The following MTMR3 variants were observed in gnomAD, a reference collection of about 807,000 sequenced individuals.
MTMR3 encodes myotubularin related protein 3, also known as phosphatidylinositol-3,5-bisphosphate 3-phosphatase MTMR3.
Under a neutral mutation model 132.4 loss-of-function variants are expected in MTMR3, and 32 were observed. The ratio of observed to expected loss-of-function variants is 0.24; its 90% CI spans 0.18 to 0.32. The LOEUF (loss-of-function observed/expected upper bound fraction) is 0.32, where lower values mean the gene tolerates loss of function less well. Ranked by LOEUF, MTMR3 falls within the 10% of genes least tolerant of loss-of-function variation. MTMR3 has a pLI of 1.00. For synonymous variants in MTMR3, 556 were observed against 550.3 expected (o/e 1.01, Z -0.14); for missense variants, 1,216 against 1,489.6 (o/e 0.82, Z 3.02).
Position 30,020,389 on chromosome 22 carries a change from G to A in MTMR3, c.2730G>A (p.Leu910=), listed in dbSNP as rs748216192. 1 of 1,614,218 alleles carries A rather than the reference G, an allele frequency of 6.2e-7. No homozygotes were observed. The highest frequency in any genetic ancestry group is 8.5e-7 in the Non-Finnish European group (1 of 1,180,040). Residue 910 remains leucine, a synonymous_variant, in exon 17 of 20, where the codon CTG becomes CTA. Coordinates refer to ENST00000401950, the MANE Select transcript of MTMR3 (RefSeq NM_021090.4). ...CTTCCCTTGGCAGCACTCTCAGCCT[G>A]ACACGTTCCCCTTGTGCCTTGCCTT... The part of the protein sequence containing the change: ...HRTSLGSTLS[L]TRSPCALPLA...
intron 1 of MTMR3, among the ~76,000 whole-genome samples, chr22:29,902,012 T>C (rs752590398): frequency 1.3e-5 from 2 of 152,234 alleles, no homozygotes; most frequent in Admixed American, 6.5e-5. Context: ...CATAAAAGCA[T>C]TGATGCATGC....
chr22:29,924,692 C>T (rs1400828852), intron 1 of MTMR3, among the ~76,000 whole-genome samples: 2 of 152,152 alleles, frequency 1.3e-5, no homozygotes, highest in East Asian at 1.9e-4. Context: ...AATCCATGAA[C>T]ACATGATATT....
Position 29,998,953 on chromosome 22 carries a change from A to G in MTMR3, c.557+96A>G, listed in dbSNP as rs186756274. 291 of 708,830 alleles carry G rather than the reference A, an allele frequency of 4.1e-4. No individual in the cohort carries two copies. The African/African-American group carries it at 4.9e-3, about 12-fold the overall frequency. 43.9% of individuals were successfully genotyped at this position (708,830 alleles called of 1,614,324 possible). On this transcript the variant is annotated intron_variant, in intron 8 of 19. Coordinates refer to ENST00000401950, the MANE Select transcript of MTMR3 (RefSeq NM_021090.4). ...CAGAACATTTGAACTTAGACTTTTT[A>G]TTTGAAATGGTTTTATTTATTAAAT...
intron 2 of MTMR3, among the ~76,000 whole-genome samples, chr22:29,970,130 T>G (rs1485145728): frequency 6.6e-6 from 1 of 152,218 alleles, no homozygotes; most frequent in African/African-American, 2.4e-5. Flanking sequence ...TTTTTTGTTC[T>G]TATAAAACCA....
At position 30,026,933 on chromosome 22, in the gene MTMR3, CTGAG is replaced by C. The variant is rs1447300557; in HGVS notation, c.*1135_*1138del. 4.6e-5 allele frequency: 7 copies of C among 152,870 alleles called. No homozygotes were observed. Among genetic ancestry groups the C allele is most frequent in the Admixed American group, 1.3e-4 (2 of 15,290 alleles). 9.5% of individuals were successfully genotyped at this position (152,870 alleles called of 1,614,324 possible). On this transcript the variant is annotated 3_prime_UTR_variant, in exon 20 of 20. Coordinates refer to ENST00000401950, the MANE Select transcript of MTMR3 (RefSeq NM_021090.4). The stretch of plus-strand genomic sequence containing the variant: ...GTCCCCCTTTGCCACTCCTGGCTGT[CTGAG>C]TGGGCACTTGTCTGGCTGCTGGCCA...
At position 30,026,338 on chromosome 22, in the gene MTMR3, C is replaced by T. The variant is rs1455843171; in HGVS notation, c.*537C>T. ...TGCCCTGGGCATCATCTCCCTCCTG[C>T]GAGGAGCTGAGCCAGTCCCCTCACA... On this transcript the variant is annotated 3_prime_UTR_variant, in exon 20 of 20. Coordinates refer to ENST00000401950, the MANE Select transcript of MTMR3 (RefSeq NM_021090.4). 1 of 154,954 alleles carries T rather than the reference C, an allele frequency of 6.5e-6. No homozygotes were observed. Among genetic ancestry groups the T allele is most frequent in the African/African-American group, 2.4e-5 (1 of 41,492 alleles). The allele number at this position is 154,954 out of a possible 1,614,324, so 9.6% of individuals were successfully genotyped here.
rs1325336651 is a variant in MTMR3 at position 30,030,843 on chromosome 22, A to G, written c.*5042A>G. ...TGAAGAAAGGTTTTGTTTGTTTCTT[A>G]AAATAAAAAGTCTGAAAATCACTAA... is the stretch of plus-strand genomic sequence containing the variant. On this transcript the variant is annotated 3_prime_UTR_variant, in exon 20 of 20. Transcript: ENST00000401950. 6.6e-6 allele frequency: 1 copy of G among 152,306 alleles called. No individual in the cohort carries two copies. The highest frequency in any genetic ancestry group is 1.5e-5 in the Non-Finnish European group (1 of 68,022). 9.4% of individuals were successfully genotyped at this position (152,306 alleles called of 1,614,324 possible).
rs117558340 is a variant in MTMR3, at chr22:29,918,080, T to C, written c.-138+34721T>C. On this transcript the variant is annotated intron_variant, in intron 1 of 19. Transcript: ENST00000401950. ...TTTAAGTGTTTAATTTAGAAAAAAT[T>C]AGTAACTGCTGGTTGCCTCATATTG... Among the ~76,000 whole-genome samples the C allele has an allele frequency of 7.2e-5, 11 of 152,314 alleles. No homozygotes were observed. In the East Asian group the frequency reaches 1.9e-3, roughly 27 times the overall value.
chr22:29,914,383 G>A (rs920716013), intron 1 of MTMR3, among the ~76,000 whole-genome samples: 2 of 152,038 alleles, frequency 1.3e-5, no homozygotes, highest in South Asian at 4.1e-4. Flanking sequence ...GTGCTTATTT[G>A]CCATTTATAT....
intron 1 of MTMR3, among the ~76,000 whole-genome samples, chr22:29,911,407 G>A (rs996022805): frequency 3.9e-5 from 6 of 152,062 alleles, no homozygotes; most frequent in South Asian, 2.1e-4. Flanking sequence ...GCCAGGTGTG[G>A]TAGCACACGC....
intron 1 of MTMR3, among the ~76,000 whole-genome samples, chr22:29,935,700 C>T (rs1042973429): frequency 2.7e-5 from 4 of 150,124 alleles, no homozygotes; most frequent in East Asian, 1.9e-4. Context: ...ATATCTGATG[C>T]GGTTTACTGT....
chr22:29,948,772 A>G (rs1326715144), intron 1 of MTMR3, among the ~76,000 whole-genome samples: 1 of 148,916 alleles, frequency 6.7e-6, no homozygotes, highest in African/African-American at 2.5e-5. Context: ...TGTTTTTATC[A>G]TGAAATAATA....
intron 2 of MTMR3, among the ~76,000 whole-genome samples, chr22:29,966,722 T>TGTGC (rs200903760): frequency 7.1e-5 from 7 of 98,408 alleles, no homozygotes; most frequent in South Asian, 4.8e-4. Context: ...CCTGTAGGGG[T>TGTGC]GTGCGTGTGT....
At chr22:29,977,843 G>A (rs1007054090) in intron 3 of MTMR3, among the ~76,000 whole-genome samples, 3 of 152,028 alleles carry the variant, frequency 2.0e-5, no homozygotes, top group African/African-American at 7.3e-5. Flanking sequence ...TTATATCTTG[G>A]TTTCTCTTAA....
At position 29,986,564 on chromosome 22, in the gene MTMR3, GT is replaced by G. The variant is rs1311387811; in HGVS notation, c.211-1913del. ...AGAATTCTTAGTTGCATCAGTTGCA[GT>G]TTCTCACAGCACCTTGGGGTTAAGG... On this transcript the variant is annotated intron_variant, in intron 5 of 19. Transcript: ENST00000401950. The G allele has an allele frequency of 6.1e-6, 6 of 984,122 alleles. No homozygotes were observed. In the African/African-American group the frequency reaches 1.1e-4, roughly 17 times the overall value. 61.0% of individuals were successfully genotyped at this position (984,122 alleles called of 1,614,324 possible).
At chr22:29,959,652 T>A (rs1306042789) in intron 2 of MTMR3, among the ~76,000 whole-genome samples, 1 of 152,200 alleles carries the variant, frequency 6.6e-6, no homozygotes, top group Non-Finnish European at 1.5e-5. Flanking sequence ...GTGCTGGGAT[T>A]ACAGATGTGT....
chr22:30,019,202 CAAAAAA>C (rs796476094), intron 16 of MTMR3: 2 of 153,386 alleles, frequency 1.3e-5, no homozygotes, highest in East Asian at 1.2e-4. Flanking sequence ...GACTCCGTCT[CAAAAAA>C]AAAAAAAAAA....
At chr22:29,906,611 T>C (rs2145737578) in intron 1 of MTMR3, among the ~76,000 whole-genome samples, 1 of 152,060 alleles carries the variant, frequency 6.6e-6, no homozygotes, top group South Asian at 2.1e-4. Flanking sequence ...GCTGGGATTA[T>C]AGGGATGAAC....
In MTMR3 at chr22:29,970,364, T is replaced by C. The variant is rs545121037; in HGVS notation, c.-84-612T>C. ...TATTTATTTTTTTGAGACAGAGTCTTGCTCTGTTGCCCAGACTAGAGTGCA... is the reference window on the plus strand; with the variant it reads ...TATTTATTTTTTTGAGACAGAGTCTCGCTCTGTTGCCCAGACTAGAGTGCA... On this transcript the variant is annotated intron_variant, in intron 2 of 19. Coordinates refer to ENST00000401950, the MANE Select transcript of MTMR3 (RefSeq NM_021090.4). 1.6e-3 allele frequency among the ~76,000 whole-genome samples: 243 copies of C among 152,230 alleles called. 3 individuals carry two copies. The highest frequency in any genetic ancestry group is 6.8e-3 in the Middle Eastern group (2 of 294).
Sources: gnomAD v4.1 joint callset for allele counts (sites outside exome capture counted in the v4.1 genomes callset) on GRCh38, gnomAD v4.1.1 for gene constraint, MANE v1.5 for transcripts, NCBI Gene and HGNC (gene_info 2026-07-23, HGNC 2026-07-21) for gene names.